TSPAN3: variants seen among roughly 807,000 people sequenced by gnomAD.
TSPAN3 encodes tetraspanin-3.
A neutral mutation model predicts 31.1 loss-of-function variants in TSPAN3; 9 were observed. The observed-to-expected ratio is 0.29, with a 90% CI of 0.17 to 0.50. The LOEUF (loss-of-function observed/expected upper bound fraction) is 0.50. TSPAN3 is among the 20% of genes least tolerant of loss of function. The pLI is 0.98. For synonymous variants in TSPAN3, 129 were observed against 114.3 expected (o/e 1.13, Z -0.82); for missense variants, 252 against 313.5 (o/e 0.80, Z 1.48).
chr15:77,065,472 G>A (rs1370663526), intron 1 of TSPAN3, among the ~76,000 whole-genome samples: 1 of 152,070 alleles, frequency 6.6e-6, no homozygotes, highest in African/African-American at 2.4e-5. Context: ...TGTCGCCCAG[G>A]CTGGAGTGCA....
intron 6 of TSPAN3, 24 bp from the exon 7 acceptor site, chr15:77,046,951 G>A: frequency 1.3e-6 from 2 of 1,549,210 alleles, no homozygotes; most frequent in Non-Finnish European, 1.8e-6. Context: ...ACAACAATGG[G>A]GAAAAAAGGC....
chr15:77,064,011 T>G (rs992217091), intron 1 of TSPAN3: 8 of 152,252 alleles, frequency 5.3e-5, no homozygotes, highest in Non-Finnish European at 1.0e-4. Flanking sequence ...TTGGGTTATG[T>G]GTTTAATCAG....
chr15:77,045,684 C>G lies in TSPAN3; in HGVS notation c.*1151G>C, dbSNP rs1441026711. The G allele has an allele frequency of 6.6e-6, 1 of 152,312 alleles. No homozygotes were observed. Among genetic ancestry groups the G allele is most frequent in the African/African-American group, 2.4e-5 (1 of 41,452 alleles). 9.4% of individuals were successfully genotyped at this position (152,312 alleles called of 1,614,324 possible). On this transcript the variant is annotated 3_prime_UTR_variant, in exon 7 of 7. Transcript: ENST00000267970. ...TCCAGGAAGTCACCCCTGACCTCTC[C>G]GGAACTCCCCTTTGGACTCCCATTC...
At chr15:77,059,074 A>T (rs999721845) in intron 1 of TSPAN3, among the ~76,000 whole-genome samples, 2 of 152,040 alleles carry the variant, frequency 1.3e-5, no homozygotes, top group African/African-American at 2.4e-5. Context: ...AATTTATCTT[A>T]ATTTTATTTT....
rs2076686743 is a variant in TSPAN3, at chr15:77,045,729, G to A, written c.*1106C>T. ...CCATTCTATTACTACAACCACTGCA[G>A]TGTGAAAATTATCTTCTCCTATGTA... On this transcript the variant is annotated 3_prime_UTR_variant, in exon 7 of 7. Transcript: ENST00000267970. 6.6e-6 allele frequency: 1 copy of A among 152,206 alleles called. No individual in the cohort carries two copies. 9.4% of individuals were successfully genotyped at this position (152,206 alleles called of 1,614,324 possible).
Position 77,041,861 on chromosome 15 carries a change from T to C in TSPAN3, c.*4974A>G, listed in dbSNP as rs1473580939. The C allele has an allele frequency of 6.6e-6, 1 of 152,260 alleles. No individual in the cohort carries two copies. Among genetic ancestry groups the C allele is most frequent in the Non-Finnish European group, 1.5e-5 (1 of 68,054 alleles). The allele number at this position is 152,260 out of a possible 1,614,324, so 9.4% of individuals were successfully genotyped here. On this transcript the variant is annotated 3_prime_UTR_variant, in exon 7 of 7. Coordinates refer to ENST00000267970, the MANE Select transcript of TSPAN3 (RefSeq NM_005724.6). Reference sequence around the variant, plus strand: ...CTTTACTTTAAAATCGTTAATTTTATGCCATGTGAATTGCATCTCAATAAA... The same window carrying C: ...CTTTACTTTAAAATCGTTAATTTTACGCCATGTGAATTGCATCTCAATAAA...
chr15:77,066,962 C>A (rs80105664), intron 1 of TSPAN3, among the ~76,000 whole-genome samples: 1 of 152,060 alleles, frequency 6.6e-6, no homozygotes, highest in South Asian at 2.1e-4. Flanking sequence ...GGACATCACA[C>A]GTGGTGAGGG....
chr15:77,053,329 C>G (rs1318426810), intron 4 of TSPAN3, among the ~76,000 whole-genome samples: 1 of 151,338 alleles, frequency 6.6e-6, no homozygotes, highest in Non-Finnish European at 1.5e-5. Flanking sequence ...AACCCCGTCT[C>G]TACTAAAAAT....
intron 6 of TSPAN3, among the ~76,000 whole-genome samples, chr15:77,047,845 G>C (rs1356865250): frequency 6.6e-6 from 1 of 152,160 alleles, no homozygotes; most frequent in African/African-American, 2.4e-5. Flanking sequence ...TTAAAAGACA[G>C]GGTCCTCTGT....
intron 6 of TSPAN3, among the ~76,000 whole-genome samples, chr15:77,051,914 T>C (rs1304930853): frequency 1.3e-5 from 2 of 152,144 alleles, no homozygotes; most frequent in Non-Finnish European, 2.9e-5. Context: ...TACCAGTTCT[T>C]GATTTACGTA....
intron 1 of TSPAN3, among the ~76,000 whole-genome samples, chr15:77,062,869 T>C (rs1378463853): frequency 3.3e-5 from 5 of 152,212 alleles, no homozygotes; most frequent in African/African-American, 9.7e-5. Flanking sequence ...TTTAATAATA[T>C]GCTTGTGGTG....
At chr15:77,065,753 T>C (rs919049216) in intron 1 of TSPAN3, among the ~76,000 whole-genome samples, 2 of 152,204 alleles carry the variant, frequency 1.3e-5, no homozygotes, top group African/African-American at 2.4e-5. Context: ...AGGTTACATA[T>C]GGCTTTCAAC....
Position 77,070,926 on chromosome 15 carries a change from T to G in TSPAN3, c.29A>C (p.Lys10Thr). 2 of 1,442,190 alleles carry G rather than the reference T, an allele frequency of 1.4e-6. No homozygotes were observed. Among genetic ancestry groups the G allele is most frequent in the Non-Finnish European group, 1.8e-6 (2 of 1,089,596 alleles). The allele number at this position is 1,442,190 out of a possible 1,614,324, so 89.3% of individuals were successfully genotyped here. Reference sequence around the variant, plus strand: ...GAGGTTGAGAAAGACCAGCACGGTCTTGGAGGAGGTGATGCCGCACTGGCC... The same window carrying G: ...GAGGTTGAGAAAGACCAGCACGGTCGTGGAGGAGGTGATGCCGCACTGGCC... MGQCGITSS[K>T]TVLVFLNLIF... Residue 10 changes from lysine (K) to threonine (T), a missense_variant, in exon 1 of 7, where the codon AAG (lysine) becomes ACG (threonine). Transcript: ENST00000267970.
Position 77,046,471 on chromosome 15 carries a change from T to G in TSPAN3, c.*364A>C, listed in dbSNP as rs961849621. The G allele has an allele frequency of 9.6e-6, 4 of 414,846 alleles. No individual in the cohort carries two copies. Among genetic ancestry groups the G allele is most frequent in the Non-Finnish European group, 1.7e-5 (4 of 234,826 alleles). The allele number at this position is 414,846 out of a possible 1,614,324, so 25.7% of individuals were successfully genotyped here. ...AAACCTTTGGCCAAGAGTTCTCCAC[T>G]GTGAAGACTGAAAGGACCTGGTGAC... On this transcript the variant is annotated 3_prime_UTR_variant, in exon 7 of 7. Transcript: ENST00000267970.
At position 77,053,451 on chromosome 15, in the gene TSPAN3, C is replaced by CAAAAAAAAAAAAAAAAAAAAAAAAAAA. The variant is rs60483848; in HGVS notation, c.433-549_433-523dup. On this transcript the variant is annotated intron_variant, in intron 4 of 6. Transcript: ENST00000267970. The stretch of plus-strand genomic sequence containing the variant: ...CAACAAGAGTGAAATTTCGCCATCT[C>CAAAAAAAAAAAAAAAAAAAAAAAAAAA]AAAAAAAAAAAAAAAAAAAAAAAAA... Among the ~76,000 whole-genome samples the CAAAAAAAAAAAAAAAAAAAAAAAAAAA allele has an allele frequency of 2.2e-4, 11 of 50,374 alleles. 3 individuals carry two copies. Among genetic ancestry groups the CAAAAAAAAAAAAAAAAAAAAAAAAAAA allele is most frequent in the African/African-American group, 2.4e-4 (2 of 8,284 alleles). The allele number at this position is 50,374 out of a possible 152,430, so 33.0% of individuals were successfully genotyped here.
rs1268621615 is a variant in TSPAN3 at position 77,043,878 on chromosome 15, AG to A, written c.*2956del. Reference sequence around the variant, plus strand: ...GGTATTAGGGGTAAAAGGCCATGACAGGTGTGGAGGCAGCAGGAGGGAGGGA... The same window carrying A: ...GGTATTAGGGGTAAAAGGCCATGACAGTGTGGAGGCAGCAGGAGGGAGGGA... On this transcript the variant is annotated 3_prime_UTR_variant, in exon 7 of 7. Transcript: ENST00000267970. 3 of 152,320 alleles carry A rather than the reference AG, an allele frequency of 2.0e-5. No homozygotes were observed. The highest frequency in any genetic ancestry group is 4.4e-5 in the Non-Finnish European group (3 of 68,046). The allele number at this position is 152,320 out of a possible 1,614,324, so 9.4% of individuals were successfully genotyped here. A position where few individuals can be genotyped will look rare whatever the true frequency, so the allele number is the denominator to read the frequency against.
At chr15:77,066,319 C>G (rs930273849) in intron 1 of TSPAN3, among the ~76,000 whole-genome samples, 1 of 152,106 alleles carries the variant, frequency 6.6e-6, no homozygotes, top group East Asian at 1.9e-4. Context: ...CGCCTGTAAT[C>G]CTAGCACTTT....
intron 3 of TSPAN3, 26 bp from the exon 4 acceptor site, chr15:77,054,305 C>T (rs141151737): frequency 1.1e-5 from 16 of 1,511,446 alleles, no homozygotes; most frequent in Middle Eastern, 1.7e-4. Flanking sequence ...GAATTCAGTC[C>T]CTCAAAAATA....
intron 1 of TSPAN3, among the ~76,000 whole-genome samples, chr15:77,059,955 C>T (rs1158508350): frequency 6.6e-6 from 1 of 152,168 alleles, no homozygotes; most frequent in East Asian, 1.9e-4. Flanking sequence ...CTAAAAGAGG[C>T]ACTCATCTGA....
Sources: allele counts gnomAD v4.1 joint callset (sites outside exome capture counted in the v4.1 genomes callset), GRCh38; gene constraint gnomAD v4.1.1; transcripts MANE v1.5; gene names NCBI Gene and HGNC (gene_info 2026-07-23, HGNC 2026-07-21).